Variants in GNG7 observed in about 807,000 individuals in gnomAD.
GNG7 encodes G protein subunit gamma 7.
Under a neutral mutation model 4.0 loss-of-function variants are expected in GNG7, and 1 was observed. The ratio of observed to expected loss-of-function variants is 0.25; its 90% CI spans 0.09 to 1.18. GNG7 has a LOEUF of 1.18. Among genes scored for constraint, GNG7 ranks in the 50% most tolerant of loss-of-function variants. GNG7 has a pLI of 0.50. For synonymous variants in GNG7, 34 were observed against 36.9 expected, an observed-to-expected ratio of 0.92 and a Z score of 0.29; for missense variants, 86 against 91.9, an observed-to-expected ratio of 0.94 and a Z score of 0.26.
At chr19:2,540,911 G>GCTC (rs1442683641) in intron 3 of GNG7, among the ~76,000 whole-genome samples, 2 of 152,222 alleles carry the variant, frequency 1.3e-5, no homozygotes, top group Admixed American at 1.3e-4. Context: ...GCCACTCCCG[G>GCTC]CTCGATAAAC....
chr19:2,515,748 T>C (rs557707832), intron 4 of GNG7, among the ~76,000 whole-genome samples: 1 of 151,710 alleles, frequency 6.6e-6, no homozygotes, highest in Admixed American at 6.6e-5. Context: ...TTCTATGAAA[T>C]GTCCAGGACA....
rs555396304 is a variant in GNG7 at position 2,579,607 on chromosome 19, A to C, written c.-77-24419T>G. 2.6e-5 allele frequency among the ~76,000 whole-genome samples: 4 copies of C among 152,342 alleles called. No individual in the cohort carries two copies. The South Asian group carries it at 6.2e-4, about 24-fold the overall frequency. On this transcript the variant is annotated intron_variant, in intron 2 of 4. Coordinates refer to ENST00000382159, the MANE Select transcript of GNG7 (RefSeq NM_052847.3). Reference sequence around the variant, plus strand: ...GGCGAGGGGACGGCCGCCGCTGGGCAGCAGCTCCGCCTGCTGGTCACCTTC... The same window carrying C: ...GGCGAGGGGACGGCCGCCGCTGGGCCGCAGCTCCGCCTGCTGGTCACCTTC...
chr19:2,557,236 C>T lies in GNG7; in HGVS notation c.-77-2048G>A, dbSNP rs896378707. On this transcript the variant is annotated intron_variant, in intron 2 of 4. Transcript: ENST00000382159. This position sits in a 1 kb window ranked among gnomAD's most constrained non-coding sequence, Gnocchi z 5.1. ...ACACAGACACACATGCACACACAGACGCACATGTGCACACACACGTGCACA... is the reference window on the plus strand; with the variant it reads ...ACACAGACACACATGCACACACAGATGCACATGTGCACACACACGTGCACA... 1.3e-5 allele frequency among the ~76,000 whole-genome samples: 2 copies of T among 150,580 alleles called. No individual in the cohort carries two copies. The highest frequency in any genetic ancestry group is 5.0e-5 in the African/African-American group (2 of 40,256).
At position 2,546,658 on chromosome 19, in the gene GNG7, TG is replaced by T. The variant is rs1262384125; in HGVS notation, c.-38+8490del. Among the ~76,000 whole-genome samples the T allele has an allele frequency of 6.6e-6, 1 of 152,034 alleles. No individual in the cohort carries two copies. The highest frequency in any genetic ancestry group is 2.4e-5 in the African/African-American group (1 of 41,412). On this transcript the variant is annotated intron_variant, in intron 3 of 4. Transcript: ENST00000382159. The surrounding 1 kb of genome is among the most constrained non-coding windows in gnomAD (Gnocchi z 6.3). ...CCCGCCGCTGCCTTCAGCCGGAGCT[TG>T]GAGCCTAAGAATGAGCCGGCTTGTT... is the stretch of plus-strand genomic sequence containing the variant.
At chr19:2,563,045 C>T (rs1329082052) in intron 2 of GNG7, among the ~76,000 whole-genome samples, 4 of 151,564 alleles carry the variant, frequency 2.6e-5, no homozygotes, top group South Asian at 2.1e-4. Context: ...CCCGGGTTCA[C>T]GCCATTCTCC....
intron 2 of GNG7, among the ~76,000 whole-genome samples, chr19:2,624,232 A>T (rs760144240): frequency 2.0e-5 from 3 of 151,920 alleles, no homozygotes; most frequent in Non-Finnish European, 2.9e-5. Flanking sequence ...TACCACAATT[A>T]AAAAAAGAAA....
At chr19:2,561,714 T>TA (rs370642587) in intron 2 of GNG7, among the ~76,000 whole-genome samples, 82,007 of 136,558 alleles carry the variant, frequency 0.6, 25,102 homozygotes, top group Non-Finnish European at 0.68. Context: ...CCGTCTCTAC[T>TA]AAAAAAAAAA....
At chr19:2,687,967 A>T (rs1568285421) in intron 1 of GNG7, among the ~76,000 whole-genome samples, 1 of 149,566 alleles carries the variant, frequency 6.7e-6, no homozygotes, top group East Asian at 2.0e-4. Context: ...CCTCCAGATA[A>T]AATAGCCGGG....
chr19:2,675,386 C>A (rs761630153), intron 1 of GNG7, among the ~76,000 whole-genome samples: 6 of 152,188 alleles, frequency 3.9e-5, no homozygotes, highest in Non-Finnish European at 8.8e-5. Flanking sequence ...AGCTTCGTGA[C>A]CAAGCCCGGT....
At chr19:2,643,678 G>T in intron 2 of GNG7, 1 of 455,824 alleles carries the variant, frequency 2.2e-6, no homozygotes, top group Non-Finnish European at 4.4e-6. Flanking sequence ...TTTTCGGGCT[G>T]AGCTTTTCTG....
intron 2 of GNG7, among the ~76,000 whole-genome samples, chr19:2,575,496 C>G (rs938707056): frequency 6.6e-6 from 1 of 151,846 alleles, no homozygotes; most frequent in African/African-American, 2.4e-5. Context: ...TGCAGACACG[C>G]AGGCACACAC....
chr19:2,554,557 A>AT (rs1462834239), intron 3 of GNG7, among the ~76,000 whole-genome samples: 3,614 of 71,608 alleles, frequency 0.05, 71 homozygotes, highest in Middle Eastern at 0.081. Flanking sequence ...ATATATATAT[A>AT]TATTTTTTTT....
At chr19:2,676,321 C>A (rs1168897537) in intron 1 of GNG7, among the ~76,000 whole-genome samples, 1 of 152,186 alleles carries the variant, frequency 6.6e-6, no homozygotes, top group Non-Finnish European at 1.5e-5. Flanking sequence ...CACAGAGACC[C>A]TCCCCTAGGC....
intron 2 of GNG7, among the ~76,000 whole-genome samples, chr19:2,555,993 C>T (rs918328329): frequency 2.6e-5 from 4 of 152,228 alleles, no homozygotes; most frequent in African/African-American, 9.6e-5. Flanking sequence ...TCTTTCCTGA[C>T]TCCCACTAAG....
intron 2 of GNG7, among the ~76,000 whole-genome samples, chr19:2,555,685 C>A (rs972470582): frequency 1.3e-5 from 2 of 151,990 alleles, no homozygotes; most frequent in African/African-American, 4.8e-5. Context: ...GACAGGTATA[C>A]GGGGGGCAGG....
intron 3 of GNG7, among the ~76,000 whole-genome samples, chr19:2,539,833 C>A (rs114741360): frequency 0.31 from 46,102 of 150,332 alleles, 7,359 homozygotes; most frequent in East Asian, 0.6. Flanking sequence ...GGAACTCACA[C>A]CTCTCCTTTC....
chr19:2,676,485 T>C (rs563731308), intron 1 of GNG7, among the ~76,000 whole-genome samples: 4 of 152,248 alleles, frequency 2.6e-5, no homozygotes, highest in Admixed American at 6.5e-5. Context: ...CAGTCTCAGC[T>C]CACTGCAACC....
At chr19:2,658,483 G>A (rs778545603) in intron 1 of GNG7, among the ~76,000 whole-genome samples, 2 of 151,846 alleles carry the variant, frequency 1.3e-5, no homozygotes, top group Non-Finnish European at 1.5e-5. Flanking sequence ...ACAGCAGCAC[G>A]ATTCACCACA....
intron 2 of GNG7, chr19:2,643,513 T>C (rs889642927): frequency 1.0e-4 from 39 of 381,620 alleles, no homozygotes; most frequent in Non-Finnish European, 1.8e-4. Context: ...CTCCGGGCTC[T>C]GCACACCTTC....
Sources: allele counts gnomAD v4.1 joint callset (sites outside exome capture counted in the v4.1 genomes callset), GRCh38; gene constraint gnomAD v4.1.1; non-coding constraint Gnocchi (gnomAD v3.1); transcripts MANE v1.5; gene names NCBI Gene and HGNC (gene_info 2026-07-23, HGNC 2026-07-21).